BCL9L: variants seen among roughly 807,000 people sequenced by gnomAD.
BCL9L encodes B-cell CLL/lymphoma 9-like protein.
Under a neutral mutation model 99.4 loss-of-function variants are expected in BCL9L, and 19 were observed. The observed-to-expected ratio is 0.19, with a 90% CI of 0.13 to 0.28. The LOEUF (loss-of-function observed/expected upper bound fraction) is 0.28. Ranked by LOEUF, BCL9L falls within the 10% of genes least tolerant of loss-of-function variation. The probability of loss-of-function intolerance (pLI) is 1.00; values close to 1 mark genes in which losing one functional copy is unlikely to be tolerated. For synonymous variants in BCL9L, 900 were observed against 854.8 expected (o/e 1.05, Z -0.92); for missense variants, 2,023 against 2,101.6 (o/e 0.96, Z 0.73).
At chr11:118,908,851 T>C (rs1449933454) in intron 3 of BCL9L, among the ~76,000 whole-genome samples, 196 bp from the exon 4 acceptor site, 1 of 152,124 alleles carries the variant, frequency 6.6e-6, no homozygotes, top group Non-Finnish European at 1.5e-5. Flanking sequence ...CTCATCCACC[T>C]TGGGGAGTGG....
chr11:118,903,548 C>A lies in BCL9L; in HGVS notation c.533-96G>T. 7.4e-7 allele frequency: 1 copy of A among 1,347,422 alleles called. No individual in the cohort carries two copies. Among genetic ancestry groups the A allele is most frequent in the Non-Finnish European group, 1.0e-6 (1 of 960,338 alleles). The allele number at this position is 1,347,422 out of a possible 1,614,324, so 83.5% of individuals were successfully genotyped here. A position where few individuals can be genotyped will look rare whatever the true frequency, so the allele number is the denominator to read the frequency against. ...CACTGATGCTCACAGCCTTACAGCT[C>A]GTGCCCACAGGGACATTTGATGTCA... is the stretch of plus-strand genomic sequence containing the variant. On this transcript the variant is annotated intron_variant, in intron 5 of 9. Coordinates refer to ENST00000683865, the MANE Select transcript of BCL9L (RefSeq NM_001378213.1). This position sits in a 1 kb window ranked among gnomAD's most constrained non-coding sequence, Gnocchi z 5.6.
Position 118,902,992 on chromosome 11 carries a change from G to A in BCL9L, c.832C>T (p.Gln278Ter). 6.3e-7 allele frequency: 1 copy of A among 1,595,726 alleles called. No homozygotes were observed. The change falls in exon 7 of 10, where the codon CAG becomes TAG. Residue 278 changes from glutamine to a stop codon, truncating the protein, a stop_gained and splice_region_variant. Transcript: ENST00000683865. LOFTEE classifies it high-confidence loss of function. This position sits in a 1 kb window ranked among gnomAD's most constrained non-coding sequence, Gnocchi z 7.8. ...QQNVPRAKLDQAPKVPPTPEP... is the reference protein window; with the variant it reads ...QQNVPRAKLD ...GCTCACAGAGGCGCCACGCTCACCT[G>A]GTCAAGCTTGGCCCGGGGCACGTTC...
chr11:118,913,479 G>A (rs1398496373), intron 2 of BCL9L, among the ~76,000 whole-genome samples: 10 of 152,286 alleles, frequency 6.6e-5, no homozygotes, highest in South Asian at 4.1e-4. Flanking sequence ...CAGTGTGGCC[G>A]GGCCTTGGGA....
In BCL9L at chr11:118,898,317, CA is replaced by C; in HGVS notation, c.*97del. ...AAGCCCCCTCCCACCCCCTCCACCC[CA>C]CCCCGCGACCCAGGCCATCCCAACA... On this transcript the variant is annotated 3_prime_UTR_variant, in exon 10 of 10. Coordinates refer to ENST00000683865, the MANE Select transcript of BCL9L (RefSeq NM_001378213.1). 26 of 949,818 alleles carry C rather than the reference CA, an allele frequency of 2.7e-5. No individual in the cohort carries two copies. The highest frequency in any genetic ancestry group is 5.5e-5 in the South Asian group (3 of 55,024). 58.8% of individuals were successfully genotyped at this position (949,818 alleles called of 1,614,324 possible). A position where few individuals can be genotyped will look rare whatever the true frequency, so the allele number is the denominator to read the frequency against.
At chr11:118,913,751 G>A (rs905186434) in intron 2 of BCL9L, among the ~76,000 whole-genome samples, 1 of 148,230 alleles carries the variant, frequency 6.7e-6, no homozygotes, top group Non-Finnish European at 1.5e-5. Flanking sequence ...CAGAGGCAAG[G>A]GCCAGGGGTT....
Position 118,907,605 on chromosome 11 carries a change from G to GC in BCL9L, c.413-4dup. 6.2e-7 allele frequency: 1 copy of GC among 1,611,704 alleles called. No individual in the cohort carries two copies. Among genetic ancestry groups the GC allele is most frequent in the Non-Finnish European group, 8.5e-7 (1 of 1,180,006 alleles). On this transcript the variant is annotated splice_region_variant and splice_polypyrimidine_tract_variant and intron_variant, in intron 4 of 9. Coordinates refer to ENST00000683865, the MANE Select transcript of BCL9L (RefSeq NM_001378213.1). ...CCGCTTACTCCGCGGCGCCACCTCT[G>GC]CCCAGGCAGGACGGAGGAAAGAGTG...
At chr11:118,899,555 G>A (rs768419895) in intron 9 of BCL9L, 47 bp from the exon 10 acceptor site, 40 of 1,591,972 alleles carry the variant, frequency 2.5e-5, no homozygotes, top group African/African-American at 2.1e-4. Flanking sequence ...TGCCCAGCTC[G>A]GGGAGGGTGC....
In BCL9L at chr11:118,908,524, C is replaced by G. The variant is rs1369602758; in HGVS notation, c.158G>C (p.Gly53Ala). The change falls in exon 4 of 10, where the codon GGC becomes GCC. Residue 53 changes from glycine (G) to alanine (A), a missense_variant. Gly to Ala is a moderately conservative substitution (Grantham distance 60). This residue lies in a region of BCL9L where 1,116 missense variants were observed against 1,194.6 expected (regional missense o/e 0.93). Coordinates refer to ENST00000683865, the MANE Select transcript of BCL9L (RefSeq NM_001378213.1). ...KLTNHGKTGN[G>A]GAQSQHQNVN... is the part of the protein sequence containing the mutation. ...ATTCTGGTGCTGAGATTGGGCCCCG[C>G]CATTCCCTGTCTTGCCATGATTGGT... The G allele has an allele frequency of 2.5e-5, 41 of 1,614,028 alleles. No homozygotes were observed. Among genetic ancestry groups the G allele is most frequent in the Non-Finnish European group, 3.5e-5 (41 of 1,180,028 alleles).
At chr11:118,907,432 TC>T (rs1286099230) in intron 5 of BCL9L, 50 bp downstream of exon 5, 1 of 1,613,034 alleles carries the variant, frequency 6.2e-7, no homozygotes, top group African/African-American at 1.3e-5. Context: ...CTCAAGTCCA[TC>T]CCCCAGGAAC....
chr11:118,922,411 T>C lies in BCL9L; in HGVS notation c.-131+2827A>G, dbSNP rs1565631610. Reference sequence around the variant, plus strand: ...CTGGCAGGAGCTCCCACCAGCCCCATCCCGGCTCCTCTGGCCAGTTAGAGC... The same window carrying C: ...CTGGCAGGAGCTCCCACCAGCCCCACCCCGGCTCCTCTGGCCAGTTAGAGC... On this transcript the variant is annotated intron_variant, in intron 1 of 9. Transcript: ENST00000683865. The surrounding 1 kb of genome is among the most constrained non-coding windows in gnomAD (Gnocchi z 6.2). Among the ~76,000 whole-genome samples the C allele has an allele frequency of 6.6e-6, 1 of 152,260 alleles. No individual in the cohort carries two copies. Among genetic ancestry groups the C allele is most frequent in the East Asian group, 1.9e-4 (1 of 5,182 alleles).
In BCL9L at chr11:118,900,559, T is replaced by G. The variant is rs902617779; in HGVS notation, c.3124+60A>C. On this transcript the variant is annotated intron_variant, in intron 8 of 9. Transcript: ENST00000683865. This position sits in a 1 kb window ranked among gnomAD's most constrained non-coding sequence, Gnocchi z 5.3. Reference sequence around the variant, plus strand: ...ACTCACTCACTGCCCAGCCCCAGCATGGACACACTGCTCAGCGCCTGCCTG... The same window carrying G: ...ACTCACTCACTGCCCAGCCCCAGCAGGGACACACTGCTCAGCGCCTGCCTG... 24 of 1,542,824 alleles carry G rather than the reference T, an allele frequency of 1.6e-5. No homozygotes were observed. The highest frequency in any genetic ancestry group is 1.1e-4 in the South Asian group (9 of 80,930).
Position 118,898,294 on chromosome 11 carries a change from G to GCCCCCCACCCCCCCCCC in BCL9L, c.*120_*121insGGGGGGGGGGTGGGGGG. 2.2e-6 allele frequency: 1 copy of GCCCCCCACCCCCCCCCC among 452,312 alleles called. No individual in the cohort carries two copies. The highest frequency in any genetic ancestry group is 4.1e-6 in the Non-Finnish European group (1 of 244,762). 28.0% of individuals were successfully genotyped at this position (452,312 alleles called of 1,614,324 possible). ...TCCACAAATGCCACTCCCTACACAA[G>GCCCCCCACCCCCCCCCC]CCCCCTCCCACCCCCTCCACCCCAC... On this transcript the variant is annotated 3_prime_UTR_variant, in exon 10 of 10. Coordinates refer to ENST00000683865, the MANE Select transcript of BCL9L (RefSeq NM_001378213.1).
rs1279794401 is a variant in BCL9L at position 118,898,927 on chromosome 11, T to C, written c.3988A>G (p.Ile1330Val). 6.2e-7 allele frequency: 1 copy of C among 1,612,954 alleles called. No homozygotes were observed. Among genetic ancestry groups the C allele is most frequent in the Non-Finnish European group, 8.5e-7 (1 of 1,179,200 alleles). Residue 1330 changes from isoleucine (I) to valine (V), a missense_variant, in exon 10 of 10, where the codon ATC becomes GTC. This residue lies in a region of BCL9L where 902 missense variants were observed against 888.2 expected (regional missense o/e 1.02). Transcript: ENST00000683865. ...GTGCTGCTTGGCTTCTCAGAGGGGA[T>C]GATCCTCGACAAGTCGAACTCGGGG... ...GIPEFDLSRI[I>V]PSEKPSSTLQ...
At position 118,902,490 on chromosome 11, in the gene BCL9L, T is replaced by C. The variant is rs760769989; in HGVS notation, c.1253A>G (p.Glu418Gly). Residue 418 changes from glutamate (E) to glycine (G), a missense_variant, in exon 8 of 10, where the codon GAG becomes GGG. By Grantham distance (98) the Glu-to-Gly change is moderately conservative. Around this residue, in one of 3 missense-constraint regions of BCL9L, gnomAD observed 1,116 missense variants for 1,194.6 expected, o/e 0.93. Coordinates refer to ENST00000683865, the MANE Select transcript of BCL9L (RefSeq NM_001378213.1). This position sits in a 1 kb window ranked among gnomAD's most constrained non-coding sequence, Gnocchi z 7.8. ...ERSLQTLRDI[E>G]RLLLRSGETE... ...CTCTCCGCTGCGGAGCAGCAGTCGCTCAATGTCTCGCAGCGTCTGGAGGGA... is the reference window on the plus strand; with the variant it reads ...CTCTCCGCTGCGGAGCAGCAGTCGCCCAATGTCTCGCAGCGTCTGGAGGGA... 6.2e-6 allele frequency: 10 copies of C among 1,609,722 alleles called. No homozygotes were observed. The South Asian group carries it at 1.1e-4, about 18-fold the overall frequency.
rs139062309 is a variant in BCL9L, at chr11:118,903,333, G to T, written c.652C>A (p.Arg218=). The change falls in exon 6 of 10, where the codon CGG becomes AGG. Residue 218 remains arginine, a synonymous_variant. Transcript: ENST00000683865. The surrounding 1 kb of genome is among the most constrained non-coding windows in gnomAD (Gnocchi z 5.6). ...CCCCCGCCCCCAGGGGCATCAGGCC[G>T]AAGGCCAGGAGGAGGGCCGTGCGGG... ...GAPHGPPPGL[R]PDAPGGGGGG... 2 of 1,590,670 alleles carry T rather than the reference G, an allele frequency of 1.3e-6. No homozygotes were observed. The highest frequency in any genetic ancestry group is 2.3e-5 in the East Asian group (1 of 43,936).
In BCL9L at chr11:118,902,621, G is replaced by A; in HGVS notation, c.1122C>T (p.Ala374=). The A allele has an allele frequency of 6.3e-7, 1 of 1,599,822 alleles. No homozygotes were observed. Among genetic ancestry groups the A allele is most frequent in the Non-Finnish European group, 8.5e-7 (1 of 1,179,838 alleles). Residue 374 remains alanine, a synonymous_variant, in exon 8 of 10, where the codon GCC becomes GCT. Coordinates refer to ENST00000683865, the MANE Select transcript of BCL9L (RefSeq NM_001378213.1). This position sits in a 1 kb window ranked among gnomAD's most constrained non-coding sequence, Gnocchi z 7.8. ...PLPPGGDPSS[A]PGPALLGEAA... The stretch of plus-strand genomic sequence containing the variant: ...CCTCCCCCAGCAGGGCAGGGCCGGG[G>A]GCACTGCTGGGGTCTCCTCCAGGAG...
rs199693235 is a variant in BCL9L, at chr11:118,908,418, C to T, written c.264G>A (p.Ser88=). ...GGTTCTTCAGACTTGAGTTGCTAGG[C>T]GAGATCTGGTTGGCCTTGGCCCCAT... The part of the protein sequence containing the change: ...GNHGAKANQI[S]PSNSSLKNPQ... Residue 88 remains serine (S), a synonymous_variant, in exon 4 of 10, where the codon TCG becomes TCA. Transcript: ENST00000683865. The T allele has an allele frequency of 5.6e-6, 9 of 1,614,038 alleles. No homozygotes were observed. Among genetic ancestry groups the T allele is most frequent in the Admixed American group, 1.7e-5 (1 of 60,008 alleles).
At position 118,898,490 on chromosome 11, in the gene BCL9L, C is replaced by G; in HGVS notation, c.4425G>C (p.Arg1475=). 1 of 1,603,626 alleles carries G rather than the reference C, an allele frequency of 6.2e-7. No individual in the cohort carries two copies. The highest frequency in any genetic ancestry group is 8.5e-7 in the Non-Finnish European group (1 of 1,172,524). ...QQNLMVSHPL[R]QRSVSLDSQM... is the part of the protein sequence containing the mutation. The stretch of plus-strand genomic sequence containing the variant: ...GGCTGTCCAGGGACACACTGCGCTG[C>G]CGAAGGGGGTGGGACACCATGAGGT... Residue 1475 remains arginine, a synonymous_variant, in exon 10 of 10, where the codon CGG becomes CGC. Transcript: ENST00000683865.
rs1471954478 is a variant in BCL9L, at chr11:118,911,245, G to A, written c.-76-1230C>T. ...AGCCGATCCCGGTCAAAGGGGAGGAGTCTTGGGCCCAGGAGCTTCGTCCCG... is the reference window on the plus strand; with the variant it reads ...AGCCGATCCCGGTCAAAGGGGAGGAATCTTGGGCCCAGGAGCTTCGTCCCG... On this transcript the variant is annotated intron_variant, in intron 2 of 9. Transcript: ENST00000683865. 29 of 455,810 alleles carry A rather than the reference G, an allele frequency of 6.4e-5. No homozygotes were observed. In the Admixed American group the frequency reaches 6.8e-4, roughly 11 times the overall value. The allele number at this position is 455,810 out of a possible 1,614,324, so 28.2% of individuals were successfully genotyped here.
Sources: gnomAD v4.1 joint callset for allele counts (sites outside exome capture counted in the v4.1 genomes callset) on GRCh38, gnomAD v4.1.1 for gene constraint, gnomAD v4.1.1 regional missense constraint, Gnocchi (gnomAD v3.1) non-coding constraint, MANE v1.5 for transcripts, NCBI Gene and HGNC (gene_info 2026-07-23, HGNC 2026-07-21) for gene names.